MTMR8: variants seen among roughly 807,000 people sequenced by gnomAD.
MTMR8 encodes phosphatidylinositol-3,5-bisphosphate 3-phosphatase MTMR8.
In MTMR8, 65 loss-of-function variants were observed where a neutral mutation model predicts 39.3. The observed-to-expected ratio is 1.65, with a 90% CI of 1.35 to 2.03. The LOEUF (loss-of-function observed/expected upper bound fraction) is 2.03. Among genes scored for constraint, MTMR8 ranks in the 30% most tolerant of loss-of-function variants. MTMR8 has a pLI of 0.00. For synonymous variants in MTMR8, 245 were observed against 185.2 expected (o/e 1.32, Z -2.62); for missense variants, 777 against 538.9 (o/e 1.44, Z -4.37).
At chrX:64,382,140 A>C (rs1458383200) in intron 1 of MTMR8, among the ~76,000 whole-genome samples, 1 of 111,789 alleles carries the variant, frequency 8.9e-6, no homozygotes, top group Non-Finnish European at 1.9e-5. Flanking sequence ...TTCTGTGAAG[A>C]AAGTCATTGG....
At chrX:64,276,990 T>A (rs1033874432) in intron 12 of MTMR8, among the ~76,000 whole-genome samples, 1 of 112,306 alleles carries the variant, frequency 8.9e-6, no homozygotes, top group African/African-American at 3.2e-5. Context: ...CATTGATCCC[T>A]TTACCATTAT....
At chrX:64,325,404 C>G (rs757007448) in intron 12 of MTMR8, among the ~76,000 whole-genome samples, 1 of 111,638 alleles carries the variant, frequency 9.0e-6, no homozygotes, top group Non-Finnish European at 1.9e-5. Context: ...AAAATACTAG[C>G]AAACAGAATT....
Position 64,383,303 on chromosome X carries a change from G to T in MTMR8, c.24+12037C>A, listed in dbSNP as rs1924478662. Reference sequence around the variant, plus strand: ...GCTGGAGGCATATAAATACAGATTAGATATATAGATAGATATAGCTACAGA... The same window carrying T: ...GCTGGAGGCATATAAATACAGATTATATATATAGATAGATATAGCTACAGA... On this transcript the variant is annotated intron_variant, in intron 1 of 13. Coordinates refer to ENST00000374852, the MANE Select transcript of MTMR8 (RefSeq NM_017677.4). Among the ~76,000 whole-genome samples the T allele has an allele frequency of 4.6e-5, 5 of 109,366 alleles. No individual in the cohort carries two copies. The Admixed American group carries it at 5.0e-4, about 11-fold the overall frequency. 95.0% of individuals were successfully genotyped at this position (109,366 alleles called of 115,157 possible).
At chrX:64,391,258 A>T (rs1039218336) in intron 1 of MTMR8, among the ~76,000 whole-genome samples, 1 of 112,211 alleles carries the variant, frequency 8.9e-6, no homozygotes, top group African/African-American at 3.2e-5. Context: ...TGTAGAAATT[A>T]CTTTTTTTGT....
At chrX:64,353,630 C>G (rs1197284812) in intron 4 of MTMR8, among the ~76,000 whole-genome samples, 1 of 111,704 alleles carries the variant, frequency 9.0e-6, no homozygotes, top group East Asian at 2.8e-4. Context: ...TCTTCATACA[C>G]AATTGGTAGG....
intron 1 of MTMR8, among the ~76,000 whole-genome samples, chrX:64,387,773 T>C (rs1320458793): frequency 1.1e-5 from 1 of 93,227 alleles, no homozygotes; most frequent in Non-Finnish European, 2.1e-5. Flanking sequence ...AGAGGGAAGG[T>C]AAAAAAGAAG....
At chrX:64,313,346 T>C (rs934910356) in intron 12 of MTMR8, among the ~76,000 whole-genome samples, 2 of 112,766 alleles carry the variant, frequency 1.8e-5, no homozygotes, top group African/African-American at 6.4e-5. Context: ...ATAAAACTCA[T>C]GAACCAAGCT....
At chrX:64,282,603 T>C (rs758160760) in intron 12 of MTMR8, among the ~76,000 whole-genome samples, 1 of 111,187 alleles carries the variant, frequency 9.0e-6, no homozygotes, top group South Asian at 3.8e-4. Context: ...GACCTAAAGG[T>C]AAGGGTGAAA....
At chrX:64,294,808 C>A (rs1314535400) in intron 12 of MTMR8, among the ~76,000 whole-genome samples, 1 of 111,482 alleles carries the variant, frequency 9.0e-6, no homozygotes, top group Non-Finnish European at 1.9e-5. Flanking sequence ...AGGGCTTTGC[C>A]TTCTCTTAAT....
rs928180902 is a variant in MTMR8 at position 64,350,059 on chromosome X, G to C, written c.480C>G (p.Thr160=). Residue 160 remains threonine (T), a synonymous_variant, in exon 5 of 14, where the codon ACC becomes ACG. Coordinates refer to ENST00000374852, the MANE Select transcript of MTMR8 (RefSeq NM_017677.4). ...DANRNYEICS[T]YPPEIVVPKS... is the part of the protein sequence containing the mutation. ...TAGGAACCACTATTTCAGGAGGGTAGGTGCTGCATATCTAAAAGAAAATAA... is the reference window on the plus strand; with the variant it reads ...TAGGAACCACTATTTCAGGAGGGTACGTGCTGCATATCTAAAAGAAAATAA... 2 of 1,133,997 alleles carry C rather than the reference G, an allele frequency of 1.8e-6. No homozygotes were observed. The highest frequency in any genetic ancestry group is 2.4e-6 in the Non-Finnish European group (2 of 849,757). The allele number at this position is 1,133,997 out of a possible 1,213,427, so 93.5% of individuals were successfully genotyped here.
intron 12 of MTMR8, among the ~76,000 whole-genome samples, chrX:64,271,520 C>T (rs1302227412): frequency 1.8e-5 from 2 of 111,926 alleles, no homozygotes; most frequent in African/African-American, 6.5e-5. Context: ...CTTCTGCACC[C>T]TGGATAAGTA....
intron 12 of MTMR8, among the ~76,000 whole-genome samples, chrX:64,283,134 C>A (rs779441184): frequency 2.7e-5 from 3 of 112,058 alleles, no homozygotes; most frequent in African/African-American, 9.7e-5. Flanking sequence ...CCTAATACTG[C>A]GCTTTTCCAA....
chrX:64,332,075 G>A (rs1012038506), intron 10 of MTMR8, among the ~76,000 whole-genome samples: 2 of 112,018 alleles, frequency 1.8e-5, no homozygotes, highest in Non-Finnish European at 3.8e-5. Context: ...GCCACTAACT[G>A]TTAAGCACTT....
chrX:64,277,087 T>A (rs1931887765), intron 12 of MTMR8, among the ~76,000 whole-genome samples: 1 of 111,837 alleles, frequency 8.9e-6, no homozygotes, highest in Non-Finnish European at 1.9e-5. Flanking sequence ...TTTTTTGCTT[T>A]CCATTTGCTG....
chrX:64,325,201 G>A (rs963196073), intron 12 of MTMR8, among the ~76,000 whole-genome samples: 17 of 112,026 alleles, frequency 1.5e-4, no homozygotes, highest in African/African-American at 5.2e-4. Context: ...GGACTTGATG[G>A]CTTCACTGCT....
intron 4 of MTMR8, among the ~76,000 whole-genome samples, chrX:64,350,833 G>A (rs1300791815): frequency 9.0e-6 from 1 of 111,354 alleles, no homozygotes; most frequent in Non-Finnish European, 1.9e-5. Context: ...CAAAGAGACA[G>A]TGACAAAATA....
intron 12 of MTMR8, among the ~76,000 whole-genome samples, chrX:64,292,174 G>T (rs1354176457): frequency 1.8e-5 from 2 of 111,648 alleles, no homozygotes; most frequent in East Asian, 5.7e-4. Context: ...GTCCGATGCT[G>T]GTCTCCTAAG....
chrX:64,345,394 A>C (rs1923324456), intron 6 of MTMR8, among the ~76,000 whole-genome samples: 1 of 112,160 alleles, frequency 8.9e-6, no homozygotes, highest in African/African-American at 3.2e-5. Flanking sequence ...AGGGAGATAC[A>C]GTGTTTTGTT....
chrX:64,318,708 G>GTTTTTTTTTTTTTTTTTT, intron 12 of MTMR8, among the ~76,000 whole-genome samples: 1 of 82,404 alleles, frequency 1.2e-5, no homozygotes, highest in Non-Finnish European at 2.4e-5. Flanking sequence ...TTGGTTTTTT[G>GTTTTTTTTTTTTTTTTTT]TTTTTTTTTT....
Sources: allele counts gnomAD v4.1 joint callset (sites outside exome capture counted in the v4.1 genomes callset), GRCh38; gene constraint gnomAD v4.1.1; transcripts MANE v1.5; gene names NCBI Gene and HGNC (gene_info 2026-07-23, HGNC 2026-07-21).